SEMA3A: variants seen among roughly 807,000 people sequenced by gnomAD.
SEMA3A encodes semaphorin-3A.
A neutral mutation model predicts 97.9 loss-of-function variants in SEMA3A; 29 were observed. The observed-to-expected ratio is 0.30, with a 90% CI of 0.22 to 0.40. The LOEUF (loss-of-function observed/expected upper bound fraction) is 0.40. SEMA3A is among the 10% of genes least tolerant of loss of function. The pLI is 1.00. For missense variants in SEMA3A, 763 were observed against 951.3 expected, an observed-to-expected ratio of 0.80 and a Z score of 2.60; for synonymous variants, 321 against 323.7, an observed-to-expected ratio of 0.99 and a Z score of 0.09.
chr7:84,400,746 C>G (rs1803878417), intron 1 of SEMA3A, among the ~76,000 whole-genome samples: 1 of 152,152 alleles, frequency 6.6e-6, no homozygotes. Flanking sequence ...CTTTCCAAAC[C>G]TAGATGAAGA....
chr7:84,483,937 G>A lies in SEMA3A; in HGVS notation c.-246+8523C>T, dbSNP rs951239139. ...TGCACGCCTGTAATCCCAACTACTC[G>A]GGAGGCTGAGGCAGGAGAACCACTT... On this transcript the variant is annotated intron_variant, in intron 1 of 3. Coordinates refer to the SEMA3A transcript ENST00000424555. Among the ~76,000 whole-genome samples, 7 of 151,896 alleles carry A rather than the reference G, an allele frequency of 4.6e-5. No individual in the cohort carries two copies. In the East Asian group the frequency reaches 7.8e-4, roughly 17 times the overall value.
At chr7:83,988,458 C>G (rs10260980) in intron 12 of SEMA3A, among the ~76,000 whole-genome samples, 23,763 of 151,716 alleles carry the variant, frequency 0.16, 2,179 homozygotes, top group Non-Finnish European at 0.21. Context: ...CTCGATCTCC[C>G]GACCTCGTGA....
At chr7:84,383,078 C>A (rs2706904) in intron 1 of SEMA3A, among the ~76,000 whole-genome samples, 17,201 of 152,040 alleles carry the variant, frequency 0.11, 1,769 homozygotes, top group East Asian at 0.35. Flanking sequence ...AAAAAATTCT[C>A]TCTAAAGTTT....
intron 3 of SEMA3A, among the ~76,000 whole-genome samples, chr7:84,242,221 G>C (rs1044131537): frequency 6.6e-6 from 1 of 152,174 alleles, no homozygotes; most frequent in Non-Finnish European, 1.5e-5. Context: ...CGTTTGGGCA[G>C]TATGGCCATT....
At chr7:84,387,165 T>C (rs1451453866) in intron 1 of SEMA3A, among the ~76,000 whole-genome samples, 3 of 152,146 alleles carry the variant, frequency 2.0e-5, no homozygotes, top group Middle Eastern at 3.2e-3. Context: ...TATTTGTATT[T>C]TCTCTTCTTT....
intron 4 of SEMA3A, among the ~76,000 whole-genome samples, chr7:84,096,962 G>C (rs1218980076): frequency 6.6e-6 from 1 of 152,052 alleles, no homozygotes; most frequent in African/African-American, 2.4e-5. Context: ...ATTGCAGTTA[G>C]AAAAGTATGA....
chr7:84,245,551 A>G (rs10231889), intron 3 of SEMA3A, among the ~76,000 whole-genome samples: 106,727 of 150,962 alleles, frequency 0.71, 37,934 homozygotes, highest in East Asian at 0.79. Context: ...TCTTTAGCTC[A>G]GAGGAGTTCA....
intron 5 of SEMA3A, among the ~76,000 whole-genome samples, chr7:84,058,004 C>T (rs970023839): frequency 1.3e-5 from 2 of 152,084 alleles, no homozygotes; most frequent in Non-Finnish European, 2.9e-5. Context: ...TTAAACCTTG[C>T]TAGTTTTTGT....
intron 1 of SEMA3A, among the ~76,000 whole-genome samples, chr7:84,443,622 C>G (rs1200771955): frequency 6.6e-6 from 1 of 152,110 alleles, no homozygotes; most frequent in Non-Finnish European, 1.5e-5. Context: ...GAGGAATTAG[C>G]AGGAACATTG....
intron 2 of SEMA3A, among the ~76,000 whole-genome samples, chr7:84,134,568 A>C (rs1025899934): frequency 6.6e-6 from 1 of 152,182 alleles, no homozygotes; most frequent in African/African-American, 2.4e-5. Context: ...GCTGAAGTTC[A>C]TATTTCTTAT....
At chr7:84,108,011 G>A (rs1217811584) in intron 4 of SEMA3A, among the ~76,000 whole-genome samples, 3 of 152,026 alleles carry the variant, frequency 2.0e-5, no homozygotes, top group Admixed American at 6.6e-5. Flanking sequence ...TTTAGGCTGT[G>A]ATGCAGATTT....
At chr7:84,060,316 C>T in intron 5 of SEMA3A, 149 bp downstream of exon 5, 1 of 564,800 alleles carries the variant, frequency 1.8e-6, no homozygotes, top group Non-Finnish European at 3.1e-6. Flanking sequence ...GTTTCTTCTT[C>T]ATTTTCAAAC....
chr7:84,057,702 T>C (rs1793046677), intron 5 of SEMA3A, among the ~76,000 whole-genome samples: 1 of 151,492 alleles, frequency 6.6e-6, no homozygotes, highest in Admixed American at 6.6e-5. Context: ...GAGACAGAGG[T>C]TGCAGTTAGC....
intron 1 of SEMA3A, among the ~76,000 whole-genome samples, chr7:84,436,431 A>C (rs2116330306): frequency 6.6e-6 from 1 of 152,322 alleles, no homozygotes; most frequent in East Asian, 1.9e-4. Flanking sequence ...CAAACTATTC[A>C]TCCAACAAAG....
chr7:84,245,236 C>T (rs564063232), intron 3 of SEMA3A, among the ~76,000 whole-genome samples: 11 of 152,070 alleles, frequency 7.2e-5, no homozygotes, highest in Non-Finnish European at 1.5e-4. Flanking sequence ...CAATCAAATA[C>T]AGCTTTGATC....
At chr7:84,437,271 G>A (rs575291164) in intron 1 of SEMA3A, among the ~76,000 whole-genome samples, 6 of 152,094 alleles carry the variant, frequency 3.9e-5, no homozygotes, top group East Asian at 1.9e-4. Flanking sequence ...TGAAGTAGAC[G>A]GAAATGGAAG....
At chr7:84,048,630 T>C (rs781468229) in intron 5 of SEMA3A, among the ~76,000 whole-genome samples, 2 of 151,704 alleles carry the variant, frequency 1.3e-5, no homozygotes, top group Non-Finnish European at 2.9e-5. Flanking sequence ...ATCGAAAAAA[T>C]TAAATTACTG....
At chr7:84,071,592 G>T (rs1317402738) in intron 4 of SEMA3A, among the ~76,000 whole-genome samples, 2 of 152,024 alleles carry the variant, frequency 1.3e-5, no homozygotes, top group African/African-American at 4.8e-5. Flanking sequence ...ATTATGTAAA[G>T]ATTAGGCCAT....
At chr7:84,067,988 G>A (rs1793592704) in intron 4 of SEMA3A, among the ~76,000 whole-genome samples, 7 of 130,112 alleles carry the variant, frequency 5.4e-5, no homozygotes, top group African/African-American at 1.9e-4. Context: ...GTTTATTGCG[G>A]CATTATTCAC....
Sources: gnomAD v4.1 joint callset for allele counts (sites outside exome capture counted in the v4.1 genomes callset) on GRCh38, gnomAD v4.1.1 for gene constraint, MANE v1.5 for transcripts, NCBI Gene and HGNC (gene_info 2026-07-23, HGNC 2026-07-21) for gene names.